CIMIP2A: variants seen among roughly 807,000 people sequenced by gnomAD.
CIMIP2A encodes ciliary microtubule inner protein 2A, also known as family with sequence similarity 166 member A.
the CIMIP2A span, chr9:137,245,192 G>A: frequency 1.3e-6 from 1 of 786,218 alleles, no homozygotes. Flanking sequence ...CGGGGGGTGG[G>A]TACTCATCCC....
the CIMIP2A span, chr9:137,245,078 C>T: frequency 6.8e-6 from 11 of 1,610,238 alleles, no homozygotes; most frequent in Admixed American, 3.4e-5. Context: ...CCAGCCCAGG[C>T]CCACACCCAC....
the CIMIP2A span, among the ~76,000 whole-genome samples, chr9:137,249,447 C>A: frequency 2.6e-5 from 4 of 152,208 alleles, no homozygotes; most frequent in Non-Finnish European, 5.9e-5. Context: ...GCTGGTAATT[C>A]CCATATTCCC....
At chr9:137,251,182 G>A in the CIMIP2A span, 1 of 890,228 alleles carries the variant, frequency 1.1e-6, no homozygotes, top group South Asian at 1.3e-5. Flanking sequence ...AGCCCCTCCA[G>A]GGCCAGACAA....
the CIMIP2A span, chr9:137,244,429 CCCCGACT>C: frequency 6.5e-7 from 1 of 1,528,602 alleles, no homozygotes. Flanking sequence ...ATCCCCCTAC[CCCCGACT>C]CCAAAACTTG....
the CIMIP2A span, chr9:137,244,091 C>T: frequency 7.2e-7 from 1 of 1,392,704 alleles, no homozygotes; most frequent in Admixed American, 1.7e-5. Flanking sequence ...CCTGAACCAG[C>T]AATGAAGGGT....
chr9:137,244,259 C>T, the CIMIP2A span: 3 of 1,613,842 alleles, frequency 1.9e-6, no homozygotes, highest in African/African-American at 1.3e-5. Context: ...GCTTCTCGCC[C>T]AGGTCACAGT....
chr9:137,247,249 C>T, the CIMIP2A span, among the ~76,000 whole-genome samples: 4 of 152,226 alleles, frequency 2.6e-5, no homozygotes, highest in South Asian at 4.1e-4. Context: ...TGCACCATTG[C>T]ATTCCAGCCT....
At chr9:137,253,367 C>T in the CIMIP2A span, 5 of 1,534,614 alleles carry the variant, frequency 3.3e-6, no homozygotes, top group East Asian at 2.5e-5. Context: ...CTCTGGGCAC[C>T]CCGATGCACC....
chr9:137,252,100 C>G, the CIMIP2A span: 5 of 1,612,354 alleles, frequency 3.1e-6, no homozygotes, highest in Non-Finnish European at 4.2e-6. Context: ...TCCCCACACC[C>G]CCACTACAGC....
the CIMIP2A span, among the ~76,000 whole-genome samples, chr9:137,249,379 C>T: frequency 7.2e-5 from 11 of 152,308 alleles, no homozygotes; most frequent in South Asian, 2.3e-3. Context: ...CCATTGCTTC[C>T]ACTCCTAAGA....
chr9:137,251,378 C>T, the CIMIP2A span: 5 of 1,612,662 alleles, frequency 3.1e-6, no homozygotes, highest in African/African-American at 2.7e-5. Flanking sequence ...CTGAGGCAGA[C>T]ACAACCAGAG....
At chr9:137,246,790 C>G in the CIMIP2A span, among the ~76,000 whole-genome samples, 1 of 152,124 alleles carries the variant, frequency 6.6e-6, no homozygotes, top group Non-Finnish European at 1.5e-5. Flanking sequence ...CGAGCAACTT[C>G]CAGCCTCAGC....
At chr9:137,252,090 T>G in the CIMIP2A span, 1 of 1,612,600 alleles carries the variant, frequency 6.2e-7, no homozygotes, top group East Asian at 2.2e-5. Context: ...ACGAGAGTCC[T>G]CCCCACACCC....
chr9:137,248,803 G>A, the CIMIP2A span, among the ~76,000 whole-genome samples: 1 of 152,154 alleles, frequency 6.6e-6, no homozygotes, highest in Non-Finnish European at 1.5e-5. Flanking sequence ...AGGAGGTTGA[G>A]GCTGTAGTGA....
At chr9:137,245,845 C>G in the CIMIP2A span, 2 of 1,505,946 alleles carry the variant, frequency 1.3e-6, no homozygotes, top group Non-Finnish European at 1.8e-6. Flanking sequence ...CGGAAAGAAG[C>G]CGGCATAGCT....
At chr9:137,250,819 T>G in the CIMIP2A span, 1 of 176,936 alleles carries the variant, frequency 5.7e-6, no homozygotes, top group Non-Finnish European at 1.2e-5. Context: ...CCAGATGGGG[T>G]GGCGGCTCCT....
At chr9:137,250,881 T>C in the CIMIP2A span, 1 of 202,316 alleles carries the variant, frequency 4.9e-6, no homozygotes, top group South Asian at 7.0e-5. Flanking sequence ...CCCCAGGGGG[T>C]CCTGGCTGGC....
chr9:137,251,485 G>T, the CIMIP2A span: 4 of 1,128,920 alleles, frequency 3.5e-6, no homozygotes, highest in Non-Finnish European at 5.2e-6. Context: ...TGCTGGGCAG[G>T]CGGCTGGGGG....
chr9:137,246,623 C>T, the CIMIP2A span, among the ~76,000 whole-genome samples: 5 of 152,164 alleles, frequency 3.3e-5, no homozygotes, highest in Non-Finnish European at 7.3e-5. Context: ...GTTATCCAGG[C>T]ATTGGTGGCG....
Sources: allele counts gnomAD v4.1 joint callset (sites outside exome capture counted in the v4.1 genomes callset), GRCh38; gene constraint gnomAD v4.1.1; transcripts MANE v1.5; gene names NCBI Gene and HGNC (gene_info 2026-07-23, HGNC 2026-07-21).